SYT1: variants seen among roughly 807,000 people sequenced by gnomAD.
SYT1 encodes the protein synaptotagmin-1.
In SYT1, 8 loss-of-function variants were observed where a neutral mutation model predicts 44.8. The ratio of observed to expected loss-of-function variants is 0.18; its 90% CI spans 0.10 to 0.32. The LOEUF is 0.32. Among genes scored for constraint, SYT1 ranks in the 10% least tolerant of loss-of-function variants. The probability of loss-of-function intolerance (pLI) is 1.00; values close to 1 mark genes in which losing one functional copy is unlikely to be tolerated. For synonymous variants in SYT1, 154 were observed against 188.8 expected (o/e 0.82, Z 1.51); for missense variants, 286 against 509.3 (o/e 0.56, Z 4.22).
chr12:78,986,180 A>G (rs1336114512), intron 2 of SYT1, among the ~76,000 whole-genome samples: 1 of 152,038 alleles, frequency 6.6e-6, no homozygotes, highest in Non-Finnish European at 1.5e-5. Context: ...GCTGGTGAAT[A>G]GCGAAGATGA....
chr12:79,239,188 T>C (rs1851073518), intron 4 of SYT1, among the ~76,000 whole-genome samples: 1 of 152,230 alleles, frequency 6.6e-6, no homozygotes, highest in Admixed American at 6.5e-5. Context: ...TAGTTTTCTA[T>C]TGCTGCATAA....
chr12:79,408,506 T>G (rs1424246190), intron 9 of SYT1, among the ~76,000 whole-genome samples: 4 of 152,112 alleles, frequency 2.6e-5, no homozygotes, highest in Admixed American at 1.3e-4. Flanking sequence ...TTTAGCGAGG[T>G]GATTCAGCCC....
chr12:78,870,653 A>G (rs907629696), intron 1 of SYT1, among the ~76,000 whole-genome samples: 2 of 152,056 alleles, frequency 1.3e-5, no homozygotes, highest in Non-Finnish European at 2.9e-5. Flanking sequence ...GTCCCTTGAG[A>G]ATAGAAAGGA....
intron 2 of SYT1, among the ~76,000 whole-genome samples, chr12:78,983,440 T>A (rs768722601): frequency 6.6e-6 from 1 of 152,142 alleles, no homozygotes; most frequent in Non-Finnish European, 1.5e-5. Context: ...CACATTGGAA[T>A]GCATTTTCTA....
chr12:79,397,260 C>G (rs1884904215), intron 9 of SYT1, among the ~76,000 whole-genome samples: 1 of 152,162 alleles, frequency 6.6e-6, no homozygotes, highest in African/African-American at 2.4e-5. Flanking sequence ...GACAGGGTCT[C>G]CCTCTGTTGC....
At chr12:79,373,144 A>G (rs1257669039) in intron 9 of SYT1, among the ~76,000 whole-genome samples, 1 of 152,242 alleles carries the variant, frequency 6.6e-6, no homozygotes, top group Admixed American at 6.5e-5. Flanking sequence ...TTGGTAAACC[A>G]GATAAATAAG....
At chr12:78,966,353 G>A (rs1454432770) in intron 1 of SYT1, among the ~76,000 whole-genome samples, 2 of 151,522 alleles carry the variant, frequency 1.3e-5, no homozygotes, top group East Asian at 1.9e-4. Context: ...CTCTAAGATT[G>A]GTACCCTTAT....
At chr12:78,932,097 C>T (rs534362582) in intron 1 of SYT1, among the ~76,000 whole-genome samples, 8 of 152,272 alleles carry the variant, frequency 5.3e-5, no homozygotes, top group African/African-American at 1.9e-4. Flanking sequence ...GACAGTTTGG[C>T]TTATAAAGTC....
intron 3 of SYT1, among the ~76,000 whole-genome samples, chr12:79,200,568 A>C (rs1873723085): frequency 6.6e-6 from 1 of 152,164 alleles, no homozygotes; most frequent in South Asian, 2.1e-4. Context: ...GTCCGCTCCC[A>C]GAAAAATTCC....
chr12:79,312,689 AT>A (rs1018435218), intron 8 of SYT1, among the ~76,000 whole-genome samples: 14 of 142,996 alleles, frequency 9.8e-5, no homozygotes, highest in Non-Finnish European at 2.0e-4. Context: ...TTTAAGTTAT[AT>A]TTTTTCCTTT....
intron 9 of SYT1, among the ~76,000 whole-genome samples, chr12:79,424,699 A>G (rs1330771318): frequency 6.6e-6 from 1 of 152,138 alleles, no homozygotes; most frequent in Non-Finnish European, 1.5e-5. Flanking sequence ...ATAGTTCCTA[A>G]ACACACTATG....
At chr12:79,093,752 T>G (rs940203523) in intron 3 of SYT1, among the ~76,000 whole-genome samples, 3 of 151,698 alleles carry the variant, frequency 2.0e-5, no homozygotes, top group South Asian at 4.1e-4. Flanking sequence ...CTTATAACTT[T>G]CCTCACCAAA....
At chr12:78,890,804 A>G (rs1048455191) in intron 1 of SYT1, among the ~76,000 whole-genome samples, 7 of 151,860 alleles carry the variant, frequency 4.6e-5, no homozygotes, top group East Asian at 1.9e-4. Flanking sequence ...CCTCCAATCT[A>G]CAATCCGGAG....
chr12:79,105,597 T>G (rs1878669345), intron 3 of SYT1, among the ~76,000 whole-genome samples: 1 of 152,056 alleles, frequency 6.6e-6, no homozygotes, highest in Non-Finnish European at 1.5e-5. Flanking sequence ...AATAAGCAGT[T>G]TGGCCGGGCG....
chr12:79,074,364 A>T (rs1228158158), intron 3 of SYT1, among the ~76,000 whole-genome samples: 1 of 152,104 alleles, frequency 6.6e-6, no homozygotes, highest in East Asian at 1.9e-4. Flanking sequence ...GAGGTTTAAA[A>T]GGCTCCAGAT....
rs115304633 is a variant in SYT1 at position 79,435,388 on chromosome 12, C to G, written c.929-8685C>G. On this transcript the variant is annotated intron_variant, in intron 9 of 10. Coordinates refer to ENST00000261205, the MANE Select transcript of SYT1 (RefSeq NM_005639.3). ...CTTGCTATATTGCCCAGGCAGATCTCGAACTTCTGGGCTCAAGCTATCCTC... is the reference window on the plus strand; with the variant it reads ...CTTGCTATATTGCCCAGGCAGATCTGGAACTTCTGGGCTCAAGCTATCCTC... Among the ~76,000 whole-genome samples, 1,237 of 152,278 alleles carry G rather than the reference C, an allele frequency of 8.1e-3. 18 individuals carry two copies. The highest frequency in any genetic ancestry group is 0.029 in the African/African-American group (1,185 of 41,552).
At chr12:79,446,445 C>T (rs904671813) in intron 10 of SYT1, among the ~76,000 whole-genome samples, 2 of 152,078 alleles carry the variant, frequency 1.3e-5, no homozygotes, top group African/African-American at 4.8e-5. Flanking sequence ...ATGATAGCCA[C>T]AGCTGGCCAA....
At chr12:78,941,065 C>CTTTTTTTTTTTTTTTTT (rs398044555) in intron 1 of SYT1, among the ~76,000 whole-genome samples, 10 of 68,460 alleles carry the variant, frequency 1.5e-4, no homozygotes, top group East Asian at 4.2e-4. Context: ...CTTTTTTTTT[C>CTTTTTTTTTTTTTTTTT]TTTTTTTTTT....
At chr12:79,352,192 C>A (rs561873068) in intron 8 of SYT1, among the ~76,000 whole-genome samples, 31 of 150,446 alleles carry the variant, frequency 2.1e-4, no homozygotes, top group African/African-American at 7.6e-4. Flanking sequence ...ATACACCCCC[C>A]CCCCAAAAAA....
Sources: allele counts gnomAD v4.1 joint callset (sites outside exome capture counted in the v4.1 genomes callset), GRCh38; gene constraint gnomAD v4.1.1; transcripts MANE v1.5; gene names NCBI Gene and HGNC (gene_info 2026-07-23, HGNC 2026-07-21).